Variants in ITIH2 observed in about 807,000 individuals in gnomAD.
The protein encoded by ITIH2 is inter-alpha-trypsin inhibitor heavy chain H2.
A neutral mutation model predicts 104.4 loss-of-function variants in ITIH2; 103 were observed. That is an observed-to-expected ratio of 0.99 (90% confidence interval 0.84 to 1.16). ITIH2 has a LOEUF of 1.16. Among genes scored for constraint, ITIH2 ranks in the 50% most tolerant of loss-of-function variants. ITIH2 has a pLI of 0.00. For missense variants in ITIH2, 1,108 were observed against 1,162.4 expected, an observed-to-expected ratio of 0.95 and a Z score of 0.68; for synonymous variants, 436 against 435.4, an observed-to-expected ratio of 1.00 and a Z score of -0.02.
At chr10:7,723,006 C>A (rs1237455012) in intron 8 of ITIH2, among the ~76,000 whole-genome samples, 1 of 82,530 alleles carries the variant, frequency 1.2e-5, no homozygotes, top group Admixed American at 1.2e-4. Flanking sequence ...GGCGTGAAGT[C>A]GGGTGGAGTG....
intron 4 of ITIH2, among the ~76,000 whole-genome samples, chr10:7,710,366 G>A (rs561300632): frequency 1.3e-5 from 2 of 152,304 alleles, no homozygotes; most frequent in South Asian, 4.1e-4. Context: ...TCCACTTGGA[G>A]CCTTCATGTA....
intron 5 of ITIH2, among the ~76,000 whole-genome samples, chr10:7,713,844 T>C (rs913266379): frequency 4.0e-5 from 6 of 151,470 alleles, no homozygotes; most frequent in African/African-American, 1.5e-4. Context: ...AGCTGGGACT[T>C]GGGGTGCACC....
intron 11 of ITIH2, among the ~76,000 whole-genome samples, chr10:7,728,408 G>A (rs558735729): frequency 9.2e-5 from 14 of 152,014 alleles, no homozygotes; most frequent in African/African-American, 1.9e-4. Context: ...TGAAGACAGG[G>A]TCTTGCTCTG....
Position 7,723,507 on chromosome 10 carries a change from C to CA in ITIH2, c.929dup (p.Asn310LysfsTer16), listed in dbSNP as rs1478939443. ...CTCCTGACAACCTGGACCCAATTCC[C>CA]AAAAACATCCTCTTTGTCATCGATG... is the stretch of plus-strand genomic sequence containing the variant. On this transcript the variant is annotated frameshift_variant, in exon 9 of 21. Coordinates refer to ENST00000358415, the MANE Select transcript of ITIH2 (RefSeq NM_002216.3). LOFTEE classifies it high-confidence loss of function. The CA allele has an allele frequency of 6.2e-7, 1 of 1,613,878 alleles. No individual in the cohort carries two copies. The highest frequency in any genetic ancestry group is 1.3e-5 in the African/African-American group (1 of 74,880).
chr10:7,748,339 G>A (rs1414325797), intron 20 of ITIH2, among the ~76,000 whole-genome samples: 1 of 148,742 alleles, frequency 6.7e-6, no homozygotes, highest in South Asian at 2.1e-4. Context: ...AACTGAAACT[G>A]AGCTGTCCCG....
chr10:7,737,721 A>ATTC (rs1835077572), intron 15 of ITIH2, among the ~76,000 whole-genome samples: 2 of 44,550 alleles, frequency 4.5e-5, no homozygotes, highest in Admixed American at 8.3e-4. Context: ...TATATTCTAT[A>ATTC]TAATATTCTA....
intron 8 of ITIH2, among the ~76,000 whole-genome samples, chr10:7,722,198 A>G (rs984723699): frequency 6.6e-6 from 1 of 152,144 alleles, no homozygotes; most frequent in African/African-American, 2.4e-5. Context: ...AGTTTCTTGA[A>G]AAGTTTCCTT....
intron 20 of ITIH2, among the ~76,000 whole-genome samples, chr10:7,747,931 C>T (rs1237911512): frequency 2.6e-5 from 4 of 151,512 alleles, no homozygotes; most frequent in African/African-American, 7.3e-5. Flanking sequence ...ATAGGCCAGG[C>T]GCAGTGGCTC....
intron 5 of ITIH2, among the ~76,000 whole-genome samples, chr10:7,715,352 T>C (rs548503330): frequency 6.6e-6 from 1 of 152,040 alleles, no homozygotes; most frequent in South Asian, 2.1e-4. Context: ...ACCAGGGAGT[T>C]GGAGGTTGCA....
intron 2 of ITIH2, among the ~76,000 whole-genome samples, chr10:7,706,871 G>A (rs1834752047): frequency 6.6e-6 from 1 of 152,086 alleles, no homozygotes; most frequent in African/African-American, 2.4e-5. Flanking sequence ...ATTCAACTGA[G>A]TAAAAAATAG....
At position 7,746,587 on chromosome 10, in the gene ITIH2, T is replaced by C; in HGVS notation, c.2582-6T>C. ...TGTCAATCAATGTCTGATTCTGTTT[T>C]GCTAGGCCAGTTCATGCAGGAACCA... On this transcript the variant is annotated splice_region_variant and splice_polypyrimidine_tract_variant and intron_variant, in intron 19 of 20. Transcript: ENST00000358415. 4 of 1,586,194 alleles carry C rather than the reference T, an allele frequency of 2.5e-6. No individual in the cohort carries two copies. The highest frequency in any genetic ancestry group is 1.1e-5 in the South Asian group (1 of 90,374).
intron 11 of ITIH2, among the ~76,000 whole-genome samples, chr10:7,728,592 C>A (rs1374266177): frequency 6.6e-6 from 1 of 151,602 alleles, no homozygotes; most frequent in Non-Finnish European, 1.5e-5. Context: ...GACGAAGTCT[C>A]ACTATGTTGC....
chr10:7,739,057 A>G (rs914997653), intron 16 of ITIH2, among the ~76,000 whole-genome samples: 1 of 152,084 alleles, frequency 6.6e-6, no homozygotes, highest in East Asian at 1.9e-4. Context: ...TCTTTGTGAG[A>G]GTTTTGGTGG....
intron 5 of ITIH2, 185 bp downstream of exon 5, chr10:7,713,470 C>T (rs1365056388): frequency 5.2e-6 from 3 of 574,356 alleles, no homozygotes; most frequent in East Asian, 2.8e-5. Flanking sequence ...CCTCTTCAAC[C>T]AATGGGTTTT....
chr10:7,707,158 G>C, intron 2 of ITIH2, 43 bp from the exon 3 acceptor site: 1 of 1,479,946 alleles, frequency 6.8e-7, no homozygotes, highest in Non-Finnish European at 9.4e-7. Context: ...AAGGTAATAA[G>C]TGACATACAG....
chr10:7,717,825 C>T, intron 6 of ITIH2, 37 bp downstream of exon 6: 1 of 1,581,340 alleles, frequency 6.3e-7, no homozygotes, highest in Non-Finnish European at 8.7e-7. Flanking sequence ...GTGACACTGT[C>T]CTTTTATAGT....
intron 9 of ITIH2, 143 bp from the exon 10 acceptor site, chr10:7,726,807 G>A (rs1834954599): frequency 1.6e-6 from 1 of 614,906 alleles, no homozygotes; most frequent in Non-Finnish European, 2.7e-6. Context: ...TGCATTGACT[G>A]AGGTGGGCTC....
At chr10:7,707,349 T>G in intron 3 of ITIH2, 116 bp downstream of exon 3, 7 of 743,672 alleles carry the variant, frequency 9.4e-6, no homozygotes, top group Non-Finnish European at 1.6e-5. Flanking sequence ...ACTTTCGAAA[T>G]ACTGCCTTGC....
rs911838070 is a variant in ITIH2 at position 7,732,085 on chromosome 10, T to C, written c.1647+89T>C. The stretch of plus-strand genomic sequence containing the variant: ...TGTCAGCTCTGCCTGCCTGGAATCA[T>C]GGGTGTAGAACAGAAGCAATCAGTG... On this transcript the variant is annotated intron_variant, in intron 13 of 20. Coordinates refer to ENST00000358415, the MANE Select transcript of ITIH2 (RefSeq NM_002216.3). The C allele has an allele frequency of 7.4e-6, 8 of 1,087,450 alleles. No homozygotes were observed. In the African/African-American group the frequency reaches 1.1e-4, roughly 15 times the overall value. The allele number at this position is 1,087,450 out of a possible 1,614,324, so 67.4% of individuals were successfully genotyped here.
Sources: allele counts gnomAD v4.1 joint callset (sites outside exome capture counted in the v4.1 genomes callset), GRCh38; gene constraint gnomAD v4.1.1; transcripts MANE v1.5; gene names NCBI Gene and HGNC (gene_info 2026-07-23, HGNC 2026-07-21).